Variants in PKHD1 observed in about 807,000 individuals in gnomAD.
PKHD1 encodes the protein PKHD1 ciliary IPT domain containing fibrocystin/polyductin.
In PKHD1, 291 loss-of-function variants were observed where a neutral mutation model predicts 412.0. That is an observed-to-expected ratio of 0.71 (90% CI 0.64 to 0.78). The LOEUF (loss-of-function observed/expected upper bound fraction) is 0.78, where lower values mean the gene tolerates loss of function less well. Ranked by LOEUF, PKHD1 falls within the 30% of genes least tolerant of loss-of-function variation. PKHD1 has a pLI of 0.00. For synonymous variants in PKHD1, 1,777 were observed against 1,821.5 expected (o/e 0.98, Z 0.62); for missense variants, 4,825 against 4,950.7 (o/e 0.97, Z 0.76).
chr6:52,053,423 C>A (rs1039590150), intron 20 of PKHD1, among the ~76,000 whole-genome samples, 172 bp from the exon 21 acceptor site: 1 of 152,214 alleles, frequency 6.6e-6, no homozygotes, highest in African/African-American at 2.4e-5. Flanking sequence ...ACATCCCACC[C>A]AAGATGGGAT....
At chr6:51,885,140 T>C (rs920191146) in intron 45 of PKHD1, among the ~76,000 whole-genome samples, 6 of 152,140 alleles carry the variant, frequency 3.9e-5, no homozygotes, top group African/African-American at 1.4e-4. Context: ...AGAGACAAAG[T>C]GTATGTAATT....
In PKHD1 at chr6:52,025,991, A is replaced by G. The variant is rs780151391; in HGVS notation, c.3819T>C (p.Ala1273=). ...GACCACGGGCGAAGAACCTGTTGCC[A>G]GCCCAGACCTCCACGGCAGCTGGAA... The part of the protein sequence containing the change: ...PTVPAAVEVW[A]GNRFFARGPS... Residue 1273 remains alanine, a synonymous_variant, in exon 32 of 67, where the codon GCT becomes GCC. Transcript: ENST00000371117. 1.9e-6 allele frequency: 3 copies of G among 1,614,162 alleles called. No homozygotes were observed. The highest frequency in any genetic ancestry group is 2.5e-6 in the Non-Finnish European group (3 of 1,180,026).
rs1802494755 is a variant in PKHD1 at position 52,028,099 on chromosome 6, C to T, written c.3560+57G>A. 3.9e-6 allele frequency: 6 copies of T among 1,519,534 alleles called. No homozygotes were observed. In the East Asian group the frequency reaches 1.1e-4, roughly 28 times the overall value. 94.1% of individuals were successfully genotyped at this position (1,519,534 alleles called of 1,614,324 possible). ...ATACCTAACTCAAAATTAGAATTAC[C>T]TAGCTGAATGCTAGACCATCAAACA... On this transcript the variant is annotated intron_variant, in intron 30 of 66. Coordinates refer to ENST00000371117, the MANE Select transcript of PKHD1 (RefSeq NM_138694.4).
At chr6:52,038,291 C>T (rs1804258114) in intron 27 of PKHD1, among the ~76,000 whole-genome samples, 1 of 151,474 alleles carries the variant, frequency 6.6e-6, no homozygotes, top group South Asian at 2.1e-4. Flanking sequence ...AGGAGAATTG[C>T]TTGAATCTGG....
At chr6:51,660,554 A>G (rs1175882342) in intron 60 of PKHD1, among the ~76,000 whole-genome samples, 2 of 152,186 alleles carry the variant, frequency 1.3e-5, no homozygotes, top group East Asian at 3.9e-4. Flanking sequence ...GCTTCTGAAC[A>G]ACTGGCTATA....
chr6:51,843,164 GCTTTC>G (rs1455866983), intron 50 of PKHD1, among the ~76,000 whole-genome samples: 1 of 152,234 alleles, frequency 6.6e-6, no homozygotes, highest in East Asian at 1.9e-4. Flanking sequence ...CATAAGAAAG[GCTTTC>G]CTTGTGCCTG....
chr6:51,901,312 CA>C (rs1227454268), intron 43 of PKHD1, among the ~76,000 whole-genome samples: 5 of 152,168 alleles, frequency 3.3e-5, no homozygotes, highest in African/African-American at 1.2e-4. Flanking sequence ...AAACGTGGCA[CA>C]TATATACCGT....
In PKHD1 at chr6:51,659,792, T is replaced by C; in HGVS notation, c.10334A>G (p.Asn3445Ser). Residue 3445 changes from asparagine (N) to serine (S), a missense_variant, in exon 61 of 67, where the codon AAT becomes AGT. Transcript: ENST00000371117. ...AGAAGTAGAGCAGGGAATATTGGCA[T>C]TTACACTGCTAAAGACATCAACAAA... ...SGFVDVFSSV[N>S]ANIPCSTSGS... 6.2e-7 allele frequency: 1 copy of C among 1,613,794 alleles called. No individual in the cohort carries two copies. The highest frequency in any genetic ancestry group is 8.5e-7 in the Non-Finnish European group (1 of 1,179,818).
At chr6:51,970,569 C>T (rs1385777689) in intron 35 of PKHD1, among the ~76,000 whole-genome samples, 2 of 152,106 alleles carry the variant, frequency 1.3e-5, no homozygotes, top group Non-Finnish European at 2.9e-5. Flanking sequence ...TCTTCTAGGA[C>T]TTTTATACTG....
chr6:51,961,467 G>C (rs938891167), intron 35 of PKHD1, among the ~76,000 whole-genome samples: 1 of 152,046 alleles, frequency 6.6e-6, no homozygotes, highest in African/African-American at 2.4e-5. Context: ...AAAAGAATAG[G>C]TGATCCAGGA....
chr6:51,961,501 T>C (rs182834010), intron 35 of PKHD1, among the ~76,000 whole-genome samples: 1 of 152,234 alleles, frequency 6.6e-6, no homozygotes, highest in African/African-American at 2.4e-5. Flanking sequence ...CTGCAGTATC[T>C]GTAGGCTACA....
At chr6:51,886,914 C>A (rs1400617089) in intron 44 of PKHD1, among the ~76,000 whole-genome samples, 4 of 152,116 alleles carry the variant, frequency 2.6e-5, no homozygotes, top group Non-Finnish European at 5.9e-5. Flanking sequence ...ATGATGGTTG[C>A]AGGGGTGTAT....
intron 60 of PKHD1, among the ~76,000 whole-genome samples, chr6:51,714,675 G>C (rs968496888): frequency 6.6e-6 from 1 of 152,124 alleles, no homozygotes; most frequent in Non-Finnish European, 1.5e-5. Context: ...TGGCTAGCAG[G>C]CTACCATATT....
At chr6:51,743,040 G>A (rs966368181) in intron 60 of PKHD1, among the ~76,000 whole-genome samples, 2 of 152,132 alleles carry the variant, frequency 1.3e-5, no homozygotes, top group African/African-American at 4.8e-5. Context: ...GTAAGTAAAA[G>A]GCGTGTCACA....
intron 35 of PKHD1, among the ~76,000 whole-genome samples, chr6:51,960,495 G>T (rs1435826327): frequency 6.6e-6 from 1 of 152,102 alleles, no homozygotes; most frequent in African/African-American, 2.4e-5. Flanking sequence ...TGCTTGATGG[G>T]TGGCATTTTG....
chr6:51,740,292 T>C (rs1453676421), intron 60 of PKHD1, among the ~76,000 whole-genome samples: 1 of 152,236 alleles, frequency 6.6e-6, no homozygotes, highest in Non-Finnish European at 1.5e-5. Context: ...CTGATCCACA[T>C]GGATGGTTTT....
chr6:51,752,546 G>A (rs1786277795), intron 57 of PKHD1, among the ~76,000 whole-genome samples: 2 of 152,208 alleles, frequency 1.3e-5, no homozygotes, highest in Non-Finnish European at 2.9e-5. Flanking sequence ...TTTGGGAAGT[G>A]TTTAGATCCT....
At position 51,748,289 on chromosome 6, in the gene PKHD1, G is replaced by A. The variant is rs1160858819; in HGVS notation, c.9327C>T (p.His3109=). ...AAAGCAGTTCACAAGAGGAGCACTT[G>A]TGGCCTCGGATGTGAAAGCCAAGTC... ...SERLGFHIRG[H]KCSSCELLWS... is the part of the protein sequence containing the mutation. Residue 3109 remains histidine, a synonymous_variant, in exon 58 of 67, where the codon CAC becomes CAT. Coordinates refer to ENST00000371117, the MANE Select transcript of PKHD1 (RefSeq NM_138694.4). The A allele has an allele frequency of 6.2e-7, 1 of 1,613,932 alleles. No individual in the cohort carries two copies. The highest frequency in any genetic ancestry group is 8.5e-7 in the Non-Finnish European group (1 of 1,179,984).
chr6:51,620,798 ATG>A lies in PKHD1; in HGVS notation c.11786-1280_11786-1279del, dbSNP rs199597274. Among the ~76,000 whole-genome samples the A allele has an allele frequency of 4.5e-4, 66 of 145,126 alleles. 3 individuals are homozygous for A. In the East Asian group the frequency reaches 9.1e-3, roughly 20 times the overall value. On this transcript the variant is annotated intron_variant, in intron 66 of 66. Transcript: ENST00000371117. ...TAACATTATATATACATATATATAT[ATG>A]TATATATATATATATAATGCTTTTG... is the stretch of plus-strand genomic sequence containing the variant.
Sources: gnomAD v4.1 joint callset for allele counts (sites outside exome capture counted in the v4.1 genomes callset) on GRCh38, gnomAD v4.1.1 for gene constraint, MANE v1.5 for transcripts, NCBI Gene and HGNC (gene_info 2026-07-23, HGNC 2026-07-21) for gene names.